The following CNGB1 variants were observed in gnomAD, a reference collection of about 807,000 sequenced individuals.
CNGB1 encodes the protein cyclic nucleotide-gated channel beta-1.
In CNGB1, 126 loss-of-function variants were observed where a neutral mutation model predicts 151.7. The observed-to-expected ratio is 0.83, with a 90% CI of 0.72 to 0.96. CNGB1 has a LOEUF of 0.96. Ranked by LOEUF, CNGB1 falls within the 40% of genes least tolerant of loss-of-function variation. The probability of loss-of-function intolerance (pLI) is 0.00; values close to 1 mark genes in which losing one functional copy is unlikely to be tolerated. For synonymous variants in CNGB1, 623 were observed against 635.1 expected, an observed-to-expected ratio of 0.98 and a Z score of 0.29; for missense variants, 1,698 against 1,627.0, an observed-to-expected ratio of 1.04 and a Z score of -0.75.
At chr16:57,963,647 T>C (rs1322035681) in intron 4 of CNGB1, among the ~76,000 whole-genome samples, 2 of 152,132 alleles carry the variant, frequency 1.3e-5, no homozygotes, top group Non-Finnish European at 2.9e-5. Flanking sequence ...TGCAAAAGCC[T>C]GGATTTCTGG....
At chr16:57,942,173 C>T (rs548492175) in intron 14 of CNGB1, among the ~76,000 whole-genome samples, 46 of 152,264 alleles carry the variant, frequency 3.0e-4, no homozygotes, top group African/African-American at 1.1e-3. Context: ...TGACCCACCA[C>T]GCCTGGCCCA....
chr16:57,939,178 C>T (rs967373239), intron 16 of CNGB1, among the ~76,000 whole-genome samples: 5 of 152,052 alleles, frequency 3.3e-5, no homozygotes, highest in African/African-American at 1.2e-4. Flanking sequence ...ATCGGGATTT[C>T]CCCGGCGCCA....
Position 57,912,788 on chromosome 16 carries a change from T to C in CNGB1, c.2369+142A>G, listed in dbSNP as rs1420902074. ...GTATGTTGAATGTTGTGTGTGCATGTATGTGTGTATGTTGTGTGTGTGTTG... is the reference window on the plus strand; with the variant it reads ...GTATGTTGAATGTTGTGTGTGCATGCATGTGTGTATGTTGTGTGTGTGTTG... On this transcript the variant is annotated intron_variant, in intron 24 of 32. Transcript: ENST00000251102. 7.4e-6 allele frequency: 6 copies of C among 811,884 alleles called. No homozygotes were observed. In the African/African-American group the frequency reaches 8.4e-5, roughly 11 times the overall value. 50.3% of individuals were successfully genotyped at this position (811,884 alleles called of 1,614,324 possible).
intron 30 of CNGB1, 70 bp from the exon 31 acceptor site, chr16:57,897,613 C>T: frequency 6.2e-7 from 1 of 1,608,724 alleles, no homozygotes. Context: ...ATCTTCATTT[C>T]CCATGTGTGG....
chr16:57,912,507 G>A (rs924383616), intron 24 of CNGB1, among the ~76,000 whole-genome samples: 3 of 152,264 alleles, frequency 2.0e-5, no homozygotes, highest in Non-Finnish European at 4.4e-5. Context: ...CAGTGGAGAC[G>A]GGGCCTGGAG....
At chr16:57,924,132 G>A (rs1190047990) in intron 17 of CNGB1, among the ~76,000 whole-genome samples, 11 of 152,140 alleles carry the variant, frequency 7.2e-5, no homozygotes, top group African/African-American at 2.7e-4. Flanking sequence ...GTTGGAGCCT[G>A]GGTGTCTGAC....
At chr16:57,951,155 A>G (rs1961939698) in intron 12 of CNGB1, among the ~76,000 whole-genome samples, 1 of 152,218 alleles carries the variant, frequency 6.6e-6, no homozygotes, top group African/African-American at 2.4e-5. Flanking sequence ...TTCTTCAAGT[A>G]TCCTGGTCCT....
At position 57,940,339 on chromosome 16, in the gene CNGB1, G is replaced by A. The variant is rs79540781; in HGVS notation, c.1122-18C>T. The A allele has an allele frequency of 2.4e-3, 3,827 of 1,562,738 alleles. 12 individuals are homozygous for A. Among genetic ancestry groups the A allele is most frequent in the African/African-American group, 0.013 (973 of 74,082 alleles). ...GCAGCACCCTGTGACCCGGGGCGGG[G>A]TGGGGAGGATAAAAGGACTGGGTTA... is the stretch of plus-strand genomic sequence containing the variant. On this transcript the variant is annotated intron_variant, in intron 14 of 32. Transcript: ENST00000251102.
intron 1 of CNGB1, among the ~76,000 whole-genome samples, chr16:57,969,175 G>A (rs1302189091): frequency 6.6e-6 from 1 of 152,096 alleles, no homozygotes; most frequent in Non-Finnish European, 1.5e-5. Flanking sequence ...GTGTGGTGGT[G>A]TGCACTTGTA....
chr16:57,904,762 A>T lies in CNGB1; in HGVS notation c.2606T>A (p.Val869Asp). ...TCCGATCATCACAGAGAAAGCAAAG[A>T]CGCCCGTGAAATAATTCAGCAGCTG... is the stretch of plus-strand genomic sequence containing the variant. ...VFQLLNYFTG[V>D]FAFSVMIGQM... The change falls in exon 26 of 33, where the codon GTC becomes GAC. Residue 869 changes from valine to aspartate, a missense_variant. Transcript: ENST00000251102. 1 of 1,614,120 alleles carries T rather than the reference A, an allele frequency of 6.2e-7. No homozygotes were observed. The highest frequency in any genetic ancestry group is 8.5e-7 in the Non-Finnish European group (1 of 1,180,024).
intron 12 of CNGB1, among the ~76,000 whole-genome samples, chr16:57,956,451 G>C (rs894183202): frequency 6.6e-6 from 1 of 152,170 alleles, no homozygotes; most frequent in African/African-American, 2.4e-5. Flanking sequence ...GAGCTCCACA[G>C]TCCACTGGGC....
At chr16:57,967,030 T>G in intron 2 of CNGB1, 98 bp downstream of exon 2, 1 of 1,567,012 alleles carries the variant, frequency 6.4e-7, no homozygotes, top group East Asian at 2.2e-5. Flanking sequence ...GATGCCAACC[T>G]TTTCTGCTGT....
At chr16:57,950,021 T>A (rs551226061) in intron 13 of CNGB1, among the ~76,000 whole-genome samples, 1 of 152,238 alleles carries the variant, frequency 6.6e-6, no homozygotes, top group Non-Finnish European at 1.5e-5. Flanking sequence ...AGCCATATGA[T>A]GGAATACTAT....
rs1274098763 is a variant in CNGB1 at position 57,960,932 on chromosome 16, G to C, written c.459-17C>G. 6.2e-7 allele frequency: 1 copy of C among 1,613,636 alleles called. No homozygotes were observed. The highest frequency in any genetic ancestry group is 1.7e-5 in the Admixed American group (1 of 60,022). The stretch of plus-strand genomic sequence containing the variant: ...AGCCCAGGCCTGCAGAGGGGCCAGT[G>C]ATCAGCAGAGTGCCCTGAGGGAACC... On this transcript the variant is annotated splice_polypyrimidine_tract_variant and intron_variant, in intron 7 of 32. Transcript: ENST00000251102.
intron 12 of CNGB1, among the ~76,000 whole-genome samples, chr16:57,951,239 C>T (rs1266628781): frequency 1.3e-5 from 2 of 152,162 alleles, no homozygotes; most frequent in Non-Finnish European, 2.9e-5. Flanking sequence ...TCATCAGGAA[C>T]CTAAGCCTAC....
At position 57,917,627 on chromosome 16, in the gene CNGB1, T is replaced by C. The variant is rs770294838; in HGVS notation, c.1958-151A>G. ...GTGTATGTGTGTGTGTGTGTATATA[T>C]ACACACACACACACACACACACATA... On this transcript the variant is annotated intron_variant, in intron 20 of 32. Transcript: ENST00000251102. 3,630 of 566,952 alleles carry C rather than the reference T, an allele frequency of 6.4e-3. 12 individuals carry two copies. The highest frequency in any genetic ancestry group is 0.016 in the African/African-American group (788 of 48,426). The allele number at this position is 566,952 out of a possible 1,614,324, so 35.1% of individuals were successfully genotyped here.
chr16:57,911,260 G>A (rs1379887566), intron 25 of CNGB1, among the ~76,000 whole-genome samples: 3 of 152,286 alleles, frequency 2.0e-5, no homozygotes, highest in South Asian at 2.1e-4. Context: ...GGAAACCTTA[G>A]CTTGGGGAAG....
intron 32 of CNGB1, among the ~76,000 whole-genome samples, chr16:57,886,727 C>T (rs1959940463): frequency 6.6e-6 from 1 of 152,120 alleles, no homozygotes; most frequent in African/African-American, 2.4e-5. Flanking sequence ...CAGCCGTGAA[C>T]AGACATAATT....
At chr16:57,953,896 A>C (rs773077524) in intron 12 of CNGB1, among the ~76,000 whole-genome samples, 8 of 152,074 alleles carry the variant, frequency 5.3e-5, no homozygotes, top group African/African-American at 1.5e-4. Flanking sequence ...AAGAAAAAAA[A>C]AACAACACAG....
Sources: allele counts gnomAD v4.1 joint callset (sites outside exome capture counted in the v4.1 genomes callset), GRCh38; gene constraint gnomAD v4.1.1; transcripts MANE v1.5; gene names NCBI Gene and HGNC (gene_info 2026-07-23, HGNC 2026-07-21).